Variants in PIK3AP1 observed in about 807,000 individuals in gnomAD.
PIK3AP1 encodes the protein phosphoinositide-3-kinase adaptor protein 1.
A neutral mutation model predicts 88.1 loss-of-function variants in PIK3AP1; 21 were observed. The observed-to-expected ratio is 0.24, with a 90% CI of 0.17 to 0.34. The LOEUF (loss-of-function observed/expected upper bound fraction) is 0.34, where lower values mean the gene tolerates loss of function less well. Among genes scored for constraint, PIK3AP1 ranks in the 10% least tolerant of loss-of-function variants. PIK3AP1 has a pLI of 1.00. For synonymous variants in PIK3AP1, 398 were observed against 400.0 expected (o/e 1.00, Z 0.06); for missense variants, 828 against 1,035.7 (o/e 0.80, Z 2.75).
At chr10:96,678,780 T>TA in intron 2 of PIK3AP1, among the ~76,000 whole-genome samples, 1 of 152,272 alleles carries the variant, frequency 6.6e-6, no homozygotes, top group Non-Finnish European at 1.5e-5. Flanking sequence ...CATGATATTG[T>TA]AGTCCTTTGT....
chr10:96,641,348 T>C (rs1843386789), intron 8 of PIK3AP1, among the ~76,000 whole-genome samples: 1 of 152,116 alleles, frequency 6.6e-6, no homozygotes, highest in Admixed American at 6.6e-5. Context: ...GAAAGATTTG[T>C]CCCAACAACA....
chr10:96,712,976 A>G (rs1488881265), intron 1 of PIK3AP1, among the ~76,000 whole-genome samples: 3 of 152,366 alleles, frequency 2.0e-5, no homozygotes, highest in South Asian at 2.1e-4. Context: ...TGAAGAAACC[A>G]TAAGTAGTGT....
intron 2 of PIK3AP1, among the ~76,000 whole-genome samples, chr10:96,702,240 C>T (rs1271880790): frequency 2.6e-5 from 4 of 152,108 alleles, no homozygotes; most frequent in African/African-American, 4.8e-5. Flanking sequence ...GTGGCTCATG[C>T]CTGTAATCCC....
rs187639003 is a variant in PIK3AP1, at chr10:96,610,877, C to A, written c.2015-1010G>T. ...CAAGACTCCCCCGGCTGCCTGGGAC[C>A]TTCTCAAGCCCAGGGGCAGGGTTTA... is the stretch of plus-strand genomic sequence containing the variant. On this transcript the variant is annotated intron_variant, in intron 13 of 16. Transcript: ENST00000339364. Among the ~76,000 whole-genome samples the A allele has an allele frequency of 5.2e-3, 787 of 151,464 alleles. 7 individuals carry two copies. The highest frequency in any genetic ancestry group is 0.018 in the African/African-American group (754 of 41,496).
chr10:96,651,770 A>G, intron 4 of PIK3AP1, 119 bp from the exon 5 acceptor site: 1 of 1,222,572 alleles, frequency 8.2e-7, no homozygotes, highest in Non-Finnish European at 1.1e-6. Context: ...GGCTGGAAGA[A>G]AGATCTTGGA....
chr10:96,698,467 A>G (rs960050198), intron 2 of PIK3AP1, among the ~76,000 whole-genome samples: 3 of 151,474 alleles, frequency 2.0e-5, no homozygotes, highest in African/African-American at 7.3e-5. Context: ...CCTGGCTAAC[A>G]TGGTGAAACC....
At chr10:96,666,247 G>A (rs919785298) in intron 2 of PIK3AP1, among the ~76,000 whole-genome samples, 2 of 151,932 alleles carry the variant, frequency 1.3e-5, no homozygotes, top group African/African-American at 2.4e-5. Context: ...GTGAAACCCC[G>A]TCTCTACTAA....
At chr10:96,682,377 A>G (rs866660843) in intron 2 of PIK3AP1, among the ~76,000 whole-genome samples, 4 of 152,106 alleles carry the variant, frequency 2.6e-5, no homozygotes, top group Middle Eastern at 3.4e-3. Flanking sequence ...CAGCTCCTGC[A>G]TCTGTTGTTT....
At chr10:96,706,551 T>C (rs979561033) in intron 2 of PIK3AP1, among the ~76,000 whole-genome samples, 5 of 152,222 alleles carry the variant, frequency 3.3e-5, no homozygotes, top group African/African-American at 1.2e-4. Flanking sequence ...TTTAAGATTT[T>C]CTGGCCTAGG....
chr10:96,684,810 A>C (rs1397693853), intron 2 of PIK3AP1, among the ~76,000 whole-genome samples: 1 of 152,250 alleles, frequency 6.6e-6, no homozygotes, highest in Non-Finnish European at 1.5e-5. Context: ...AACCTAAATA[A>C]GATCACAAAA....
chr10:96,636,042 C>T (rs747578912), intron 8 of PIK3AP1, among the ~76,000 whole-genome samples: 1 of 152,086 alleles, frequency 6.6e-6, no homozygotes, highest in Non-Finnish European at 1.5e-5. Context: ...CCCGTCTCTA[C>T]TAAAAACAAA....
rs561361871 is a variant in PIK3AP1 at position 96,710,174 on chromosome 10, C to G, written c.14-191G>C. On this transcript the variant is annotated intron_variant, in intron 1 of 16. Coordinates refer to ENST00000339364, the MANE Select transcript of PIK3AP1 (RefSeq NM_152309.3). ...TTTACAGTCTGTGTTCCAATCATAC[C>G]AGACTCCTTATCTTTGCCCAAACAT... is the stretch of plus-strand genomic sequence containing the variant. Among the ~76,000 whole-genome samples, 41 of 152,240 alleles carry G rather than the reference C, an allele frequency of 2.7e-4. No individual in the cohort carries two copies. In the East Asian group the frequency reaches 4.4e-3, roughly 16 times the overall value.
intron 2 of PIK3AP1, among the ~76,000 whole-genome samples, chr10:96,673,436 C>T (rs1232199845): frequency 6.6e-6 from 1 of 152,176 alleles, no homozygotes; most frequent in African/African-American, 2.4e-5. Flanking sequence ...TGGAGGCCTG[C>T]AGGCCCCTGT....
intron 2 of PIK3AP1, among the ~76,000 whole-genome samples, chr10:96,701,237 T>A (rs561926848): frequency 3.7e-4 from 57 of 152,302 alleles, no homozygotes; most frequent in African/African-American, 1.3e-3. Context: ...CAGGGAAGCG[T>A]CATTTTCTCT....
Position 96,595,541 on chromosome 10 carries a change from T to G in PIK3AP1, c.*36A>C. On this transcript the variant is annotated 3_prime_UTR_variant, in exon 17 of 17. Coordinates refer to ENST00000339364, the MANE Select transcript of PIK3AP1 (RefSeq NM_152309.3). ...TTAACAGGCTGAAGACTGTGAGTCT[T>G]AAAGTCCTGAAGTAGGCAGGTTTTA... The G allele has an allele frequency of 6.3e-7, 1 of 1,596,144 alleles. No individual in the cohort carries two copies. The highest frequency in any genetic ancestry group is 8.6e-7 in the Non-Finnish European group (1 of 1,164,308).
intron 2 of PIK3AP1, among the ~76,000 whole-genome samples, chr10:96,682,564 C>T (rs1844017450): frequency 6.6e-6 from 1 of 152,200 alleles, no homozygotes; most frequent in African/African-American, 2.4e-5. Flanking sequence ...CTAATTTGTA[C>T]CGTCTCCCCA....
chr10:96,634,251 C>G (rs560045745), intron 8 of PIK3AP1, among the ~76,000 whole-genome samples: 1 of 152,118 alleles, frequency 6.6e-6, no homozygotes, highest in African/African-American at 2.4e-5. Flanking sequence ...GGCAAAGGTG[C>G]AGGGAGGAGA....
chr10:96,605,868 G>A (rs1451721834), intron 14 of PIK3AP1, among the ~76,000 whole-genome samples: 2 of 152,106 alleles, frequency 1.3e-5, no homozygotes, highest in African/African-American at 2.4e-5. Flanking sequence ...GGTGGATCAC[G>A]AGGTCAGCAG....
intron 2 of PIK3AP1, among the ~76,000 whole-genome samples, chr10:96,661,780 G>T (rs1464021340): frequency 1.4e-5 from 2 of 143,866 alleles, no homozygotes; most frequent in Non-Finnish European, 3.0e-5. Flanking sequence ...CTGAGAAAAG[G>T]AAAGGACAGG....
Sources: gnomAD v4.1 joint callset for allele counts (sites outside exome capture counted in the v4.1 genomes callset) on GRCh38, gnomAD v4.1.1 for gene constraint, MANE v1.5 for transcripts, NCBI Gene and HGNC (gene_info 2026-07-23, HGNC 2026-07-21) for gene names.